Variants in ANKRD29 observed in about 807,000 individuals in gnomAD.
ANKRD29 encodes the protein ankyrin repeat domain 29.
In ANKRD29, 32 loss-of-function variants were observed where a neutral mutation model predicts 38.0. The observed-to-expected ratio is 0.84, with a 90% CI of 0.64 to 1.13. The LOEUF (loss-of-function observed/expected upper bound fraction) is 1.13. Among genes scored for constraint, ANKRD29 ranks in the 50% most tolerant of loss-of-function variants. The pLI is 0.00. For synonymous variants in ANKRD29, 135 were observed against 152.4 expected, an observed-to-expected ratio of 0.89 and a Z score of 0.84; for missense variants, 357 against 377.9, an observed-to-expected ratio of 0.94 and a Z score of 0.46.
intron 5 of ANKRD29, among the ~76,000 whole-genome samples, chr18:23,630,701 C>A (rs2059919781): frequency 6.6e-6 from 1 of 151,736 alleles, no homozygotes; most frequent in South Asian, 2.1e-4. Flanking sequence ...TTGTAGGTTT[C>A]CACCTTTTTG....
chr18:23,658,839 G>A (rs1180653801), intron 1 of ANKRD29, among the ~76,000 whole-genome samples: 1 of 152,136 alleles, frequency 6.6e-6, no homozygotes, highest in Non-Finnish European at 1.5e-5. Context: ...AGGAAACGGG[G>A]CATGCACAGG....
intron 1 of ANKRD29, among the ~76,000 whole-genome samples, chr18:23,662,465 G>T (rs1406371165): frequency 6.6e-6 from 1 of 152,142 alleles, no homozygotes; most frequent in South Asian, 2.1e-4. Context: ...AGACTCAGCC[G>T]ATCCACAGCC....
intron 1 of ANKRD29, among the ~76,000 whole-genome samples, chr18:23,660,088 C>A: frequency 6.6e-6 from 1 of 151,834 alleles, no homozygotes; most frequent in East Asian, 1.9e-4. Context: ...TCCAGCCTGG[C>A]TGACAGAGTG....
intron 8 of ANKRD29, among the ~76,000 whole-genome samples, chr18:23,613,668 C>T (rs1197124137): frequency 2.0e-5 from 3 of 148,288 alleles, no homozygotes; most frequent in South Asian, 2.1e-4. Flanking sequence ...GGTGTGATCT[C>T]GGCTCACTGC....
intron 5 of ANKRD29, among the ~76,000 whole-genome samples, chr18:23,631,442 T>C (rs2145688268): frequency 6.7e-6 from 1 of 148,720 alleles, no homozygotes; most frequent in South Asian, 2.1e-4. Context: ...GACAGGGTCT[T>C]GCTATGTTGC....
chr18:23,625,180 C>T (rs1383356659), intron 6 of ANKRD29, among the ~76,000 whole-genome samples: 1 of 152,074 alleles, frequency 6.6e-6, no homozygotes, highest in African/African-American at 2.4e-5. Flanking sequence ...ATTTTCTTAC[C>T]CACCCTACCC....
chr18:23,633,622 G>A (rs899765726), intron 5 of ANKRD29, among the ~76,000 whole-genome samples: 1 of 152,162 alleles, frequency 6.6e-6, no homozygotes, highest in African/African-American at 2.4e-5. Context: ...CCAGGCTGGA[G>A]TGCAATGGTG....
At chr18:23,601,716 C>T (rs1368273546) in intron 9 of ANKRD29, among the ~76,000 whole-genome samples, 1 of 152,106 alleles carries the variant, frequency 6.6e-6, no homozygotes, top group Non-Finnish European at 1.5e-5. Context: ...GTCACCCAGG[C>T]TGGAGTGCAG....
Position 23,601,247 on chromosome 18 carries a change from TTTAC to T in ANKRD29, c.881_884del (p.Ser294LysfsTer17). ...TAAGTTAGCTCTTTCTGGGACCTTC[TTTAC>T]TTCTCAGGAGACGCAATATACGTTC... On this transcript the variant is annotated frameshift_variant, in exon 10 of 10. Coordinates refer to ENST00000592179, the MANE Select transcript of ANKRD29 (RefSeq NM_173505.4). LOFTEE classifies it high-confidence loss of function. 1.2e-6 allele frequency: 2 copies of T among 1,614,126 alleles called. No individual in the cohort carries two copies. Among genetic ancestry groups the T allele is most frequent in the Non-Finnish European group, 1.7e-6 (2 of 1,179,982 alleles).
rs534211187 is a variant in ANKRD29 at position 23,615,715 on chromosome 18, T to C, written c.723+2017A>G. ...GTGTGAGCCACCGCACTGGGCCTTT[T>C]TGTTGTATTTTCTATGGTTACTTTT... is the stretch of plus-strand genomic sequence containing the variant. On this transcript the variant is annotated intron_variant, in intron 8 of 9. Transcript: ENST00000592179. Among the ~76,000 whole-genome samples, 31 of 152,036 alleles carry C rather than the reference T, an allele frequency of 2.0e-4. No individual in the cohort carries two copies. In the East Asian group the frequency reaches 5.0e-3, roughly 25 times the overall value.
intron 1 of ANKRD29, among the ~76,000 whole-genome samples, chr18:23,659,836 C>T (rs1391627387): frequency 6.6e-6 from 1 of 151,692 alleles, no homozygotes; most frequent in Non-Finnish European, 1.5e-5. Context: ...ATCGGCCAGG[C>T]GCGGTGGCCC....
At chr18:23,616,768 C>G (rs1055753478) in intron 8 of ANKRD29, among the ~76,000 whole-genome samples, 1 of 145,194 alleles carries the variant, frequency 6.9e-6, no homozygotes, top group Non-Finnish European at 1.5e-5. Context: ...GTAAGCATTA[C>G]TATTAATATA....
At chr18:23,621,294 T>C (rs578133380) in intron 6 of ANKRD29, among the ~76,000 whole-genome samples, 2 of 152,308 alleles carry the variant, frequency 1.3e-5, no homozygotes, top group East Asian at 3.9e-4. Context: ...AACCTTAGCC[T>C]ACTAGCAGAA....
At position 23,634,147 on chromosome 18, in the gene ANKRD29, G is replaced by A. The variant is rs375062772; in HGVS notation, c.333C>T (p.Asp111=). The change falls in exon 5 of 10, where the codon GAC becomes GAT. Residue 111 remains aspartate, a splice_region_variant and synonymous_variant. Coordinates refer to ENST00000592179, the MANE Select transcript of ANKRD29 (RefSeq NM_173505.4). ...FGASTEFRTK[D]GGTALLAASQ... ...TGGCAGCCAACAGGGCGGTGCCCCC[G>A]TCCTATGGACATGCAAAGTATAAAC... 1.5e-5 allele frequency: 25 copies of A among 1,613,934 alleles called. No homozygotes were observed. In the African/African-American group the frequency reaches 2.4e-4, roughly 16 times the overall value.
chr18:23,636,328 T>C (rs2060002351), intron 4 of ANKRD29, among the ~76,000 whole-genome samples: 1 of 152,184 alleles, frequency 6.6e-6, no homozygotes, highest in Non-Finnish European at 1.5e-5. Flanking sequence ...TTTTTATAGA[T>C]GGGGTCTTGC....
intron 6 of ANKRD29, among the ~76,000 whole-genome samples, chr18:23,628,596 G>A (rs1331971365): frequency 6.6e-6 from 1 of 152,166 alleles, no homozygotes; most frequent in African/African-American, 2.4e-5. Context: ...AGCACTTTGG[G>A]AGCCCAAGGT....
At chr18:23,629,975 A>G in intron 5 of ANKRD29, 24 bp from the exon 6 acceptor site, 1 of 1,576,812 alleles carries the variant, frequency 6.3e-7, no homozygotes, top group South Asian at 1.1e-5. Flanking sequence ...AATTAAAAGC[A>G]TTAAAAACAT....
chr18:23,644,073 T>A (rs953757709), intron 3 of ANKRD29, among the ~76,000 whole-genome samples: 13 of 152,264 alleles, frequency 8.5e-5, no homozygotes, highest in Admixed American at 7.2e-4. Flanking sequence ...CCACGCAGGT[T>A]ACCTTTAAGC....
In ANKRD29 at chr18:23,601,056, G is replaced by A; in HGVS notation, c.*170C>T. 1.7e-6 allele frequency: 1 copy of A among 591,342 alleles called. No individual in the cohort carries two copies. Among genetic ancestry groups the A allele is most frequent in the East Asian group, 3.0e-5 (1 of 33,832 alleles). The allele number at this position is 591,342 out of a possible 1,614,324, so 36.6% of individuals were successfully genotyped here. A position where few individuals can be genotyped will look rare whatever the true frequency, so the allele number is the denominator to read the frequency against. The stretch of plus-strand genomic sequence containing the variant: ...GGCAAGAGGGTCCCTGAGCTGTTTG[G>A]TTCTTGACTTCGTGCACAGAGCGTA... On this transcript the variant is annotated 3_prime_UTR_variant, in exon 10 of 10. Coordinates refer to ENST00000592179, the MANE Select transcript of ANKRD29 (RefSeq NM_173505.4).
Sources: gnomAD v4.1 joint callset for allele counts (sites outside exome capture counted in the v4.1 genomes callset) on GRCh38, gnomAD v4.1.1 for gene constraint, MANE v1.5 for transcripts, NCBI Gene and HGNC (gene_info 2026-07-23, HGNC 2026-07-21) for gene names.